Variants in ADAMDEC1 observed in about 807,000 individuals in gnomAD.
ADAMDEC1 encodes ADAM DEC1.
A neutral mutation model predicts 60.4 loss-of-function variants in ADAMDEC1; 62 were observed. The ratio of observed to expected loss-of-function variants is 1.03; its 90% confidence interval spans 0.84 to 1.27. The LOEUF (loss-of-function observed/expected upper bound fraction) is 1.27, where lower values mean the gene tolerates loss of function less well. Ranked by LOEUF, ADAMDEC1 falls within the 50% of genes most tolerant of loss-of-function variation. ADAMDEC1 has a pLI of 0.00. For missense variants in ADAMDEC1, 595 were observed against 565.0 expected, an observed-to-expected ratio of 1.05 and a Z score of -0.54; for synonymous variants, 210 against 195.1, an observed-to-expected ratio of 1.08 and a Z score of -0.64.
chr8:24,393,005 T>A lies in ADAMDEC1; in HGVS notation c.208-257T>A, dbSNP rs575038673. ...TGGCTGATCCTGAGACAGTATACTG[T>A]ACATTAGGGCAAATGAGAAGTCCCT... On this transcript the variant is annotated intron_variant, in intron 2 of 13. Coordinates refer to ENST00000256412, the MANE Select transcript of ADAMDEC1 (RefSeq NM_014479.3). Among the ~76,000 whole-genome samples, 3 of 151,432 alleles carry A rather than the reference T, an allele frequency of 2.0e-5. No individual in the cohort carries two copies. In the South Asian group the frequency reaches 6.3e-4, roughly 32 times the overall value.
At chr8:24,399,614 G>A (rs556512666) in intron 10 of ADAMDEC1, 140 bp downstream of exon 10, 216 of 754,552 alleles carry the variant, frequency 2.9e-4, no homozygotes, top group Non-Finnish European at 4.7e-4. Flanking sequence ...GTAGGTCATT[G>A]CACTGAAGAT....
chr8:24,403,951 A>C (rs1817826003), intron 12 of ADAMDEC1, 52 bp from the exon 13 acceptor site: 1 of 1,474,418 alleles, frequency 6.8e-7, no homozygotes, highest in Non-Finnish European at 9.5e-7. Flanking sequence ...CACCTAGTCT[A>C]TGGGAAGAAA....
In ADAMDEC1 at chr8:24,402,105, A is replaced by G; in HGVS notation, c.1320+13A>G. On this transcript the variant is annotated intron_variant, in intron 12 of 13. Transcript: ENST00000256412. ...TGGCTCTCCTAAGGTATTATTTATT[A>G]GAATTATTGGGGCAGAAGAATTATG... 1 of 1,575,018 alleles carries G rather than the reference A, an allele frequency of 6.3e-7. No individual in the cohort carries two copies. Among genetic ancestry groups the G allele is most frequent in the Non-Finnish European group, 8.6e-7 (1 of 1,161,908 alleles).
At chr8:24,389,256 C>T (rs1817376386) in intron 1 of ADAMDEC1, among the ~76,000 whole-genome samples, 1 of 152,142 alleles carries the variant, frequency 6.6e-6, no homozygotes, top group Non-Finnish European at 1.5e-5. Flanking sequence ...ATCTGTTCTT[C>T]CTTCACCTTT....
intron 12 of ADAMDEC1, among the ~76,000 whole-genome samples, chr8:24,403,217 A>T (rs1172232055): frequency 6.6e-6 from 1 of 152,120 alleles, no homozygotes; most frequent in Non-Finnish European, 1.5e-5. Context: ...CAGAGAGTTC[A>T]GGCTTAGGAA....
chr8:24,392,886 G>GTTTTTTTT (rs34415946), intron 2 of ADAMDEC1, among the ~76,000 whole-genome samples: 1 of 50,386 alleles, frequency 2.0e-5, no homozygotes, highest in Non-Finnish European at 4.1e-5. Flanking sequence ...GGGTTGAGAG[G>GTTTTTTTT]TTTTTTTTTT....
At position 24,399,038 on chromosome 8, in the gene ADAMDEC1, C is replaced by G. The variant is rs1455538585; in HGVS notation, c.927C>G (p.Leu309=). Reference sequence around the variant, plus strand: ...AGATCCACGACCATGCTCAGCTTCTCAGGTGAGCACATGCTGGCCAGGTGA... The same window carrying G: ...AGATCCACGACCATGCTCAGCTTCTGAGGTGAGCACATGCTGGCCAGGTGA... ...GKKIHDHAQL[L]SGISFNNRRV... The change falls in exon 9 of 14, where the codon CTC becomes CTG. Residue 309 remains leucine (L), a splice_region_variant and synonymous_variant. Transcript: ENST00000256412. 1 of 1,611,044 alleles carries G rather than the reference C, an allele frequency of 6.2e-7. No individual in the cohort carries two copies. The highest frequency in any genetic ancestry group is 8.5e-7 in the Non-Finnish European group (1 of 1,178,694).
chr8:24,394,238 AT>A, intron 4 of ADAMDEC1, 91 bp downstream of exon 4: 1 of 984,346 alleles, frequency 1.0e-6, no homozygotes, highest in Non-Finnish European at 1.5e-6. Flanking sequence ...GGGCTCAATT[AT>A]TTTATAAAAT....
At chr8:24,398,769 A>C in intron 8 of ADAMDEC1, 105 bp from the exon 9 acceptor site, 1 of 1,248,014 alleles carries the variant, frequency 8.0e-7, no homozygotes, top group South Asian at 1.4e-5. Flanking sequence ...ATGGAAATTC[A>C]TTACTTGTAG....
intron 1 of ADAMDEC1, among the ~76,000 whole-genome samples, chr8:24,388,194 C>T (rs1374057716): frequency 6.6e-6 from 1 of 152,060 alleles, no homozygotes; most frequent in Non-Finnish European, 1.5e-5. Flanking sequence ...TATTCTTCCC[C>T]GAGGCTCTGC....
At chr8:24,396,897 C>T (rs779053235) in intron 5 of ADAMDEC1, among the ~76,000 whole-genome samples, 4 of 152,220 alleles carry the variant, frequency 2.6e-5, no homozygotes, top group Non-Finnish European at 4.4e-5. Flanking sequence ...TCATGTTCCC[C>T]TCTGGGGTTC....
rs1225607548 is a variant in ADAMDEC1, at chr8:24,398,672, G to A, written c.762+121G>A. On this transcript the variant is annotated intron_variant, in intron 8 of 13. Transcript: ENST00000256412. ...CAAATGTCTTAAGTTAAATAGTTCA[G>A]GGAAATTTTAGCAGAACAAGCATCA... 6 of 965,306 alleles carry A rather than the reference G, an allele frequency of 6.2e-6. No homozygotes were observed. In the East Asian group the frequency reaches 1.5e-4, roughly 24 times the overall value. The allele number at this position is 965,306 out of a possible 1,614,324, so 59.8% of individuals were successfully genotyped here. A position where few individuals can be genotyped will look rare whatever the true frequency, so the allele number is the denominator to read the frequency against.
intron 4 of ADAMDEC1, 47 bp downstream of exon 4, chr8:24,394,194 T>A: frequency 6.8e-7 from 1 of 1,463,324 alleles, no homozygotes. Flanking sequence ...TTAGATGTTA[T>A]TAGTTTGTGC....
chr8:24,388,274 C>T (rs1042265196), intron 1 of ADAMDEC1, among the ~76,000 whole-genome samples: 1 of 151,906 alleles, frequency 6.6e-6, no homozygotes, highest in African/African-American at 2.4e-5. Context: ...TGACCAATCC[C>T]CAGCATTCCC....
Position 24,399,475 on chromosome 8 carries a change from G to T in ADAMDEC1, c.1011+1G>T. 1 of 1,612,708 alleles carries T rather than the reference G, an allele frequency of 6.2e-7. No homozygotes were observed. Among genetic ancestry groups the T allele is most frequent in the Non-Finnish European group, 8.5e-7 (1 of 1,178,876 alleles). Reference sequence around the variant, plus strand: ...CCCATCTTCGGTTGCTGTTATTGAGGTTTGTAAATTTGTAGTAAGGCTCTC... The same window carrying T: ...CCCATCTTCGGTTGCTGTTATTGAGTTTTGTAAATTTGTAGTAAGGCTCTC... On this transcript the variant is annotated splice_donor_variant, in intron 10 of 13. Coordinates refer to ENST00000256412, the MANE Select transcript of ADAMDEC1 (RefSeq NM_014479.3). LOFTEE classifies it high-confidence loss of function.
At chr8:24,385,931 A>G (rs564748773) in intron 1 of ADAMDEC1, among the ~76,000 whole-genome samples, 2 of 60,324 alleles carry the variant, frequency 3.3e-5, no homozygotes, top group Non-Finnish European at 6.7e-5. Flanking sequence ...AATGAAATAG[A>G]ACTTGATTGA....
chr8:24,385,397 G>A (rs1389826957), intron 1 of ADAMDEC1, among the ~76,000 whole-genome samples: 1 of 151,956 alleles, frequency 6.6e-6, no homozygotes, highest in Admixed American at 6.6e-5. Flanking sequence ...TCCTCATTGT[G>A]CATCACCAAT....
chr8:24,386,047 G>A (rs188679820), intron 1 of ADAMDEC1, among the ~76,000 whole-genome samples: 6 of 151,836 alleles, frequency 4.0e-5, no homozygotes, highest in African/African-American at 9.7e-5. Flanking sequence ...TATTAATATT[G>A]TTCTCACAAT....
Position 24,399,390 on chromosome 8 carries a change from CAGCGGGATT to C in ADAMDEC1, c.931_939del (p.Gly311_Ser313del). 6.2e-7 allele frequency: 1 copy of C among 1,613,314 alleles called. No homozygotes were observed. Among genetic ancestry groups the C allele is most frequent in the Non-Finnish European group, 8.5e-7 (1 of 1,179,364 alleles). ...ACAGTAGTATCTGTAACTTTTCATA[CAGCGGGATT>C]AGCTTCAACAATCGACGTGTGGGAC... On this transcript the variant is annotated splice_acceptor_variant and coding_sequence_variant, in exon 10 of 14. Transcript: ENST00000256412. LOFTEE classifies it high-confidence loss of function.
Sources: allele counts gnomAD v4.1 joint callset (sites outside exome capture counted in the v4.1 genomes callset), GRCh38; gene constraint gnomAD v4.1.1; transcripts MANE v1.5; gene names NCBI Gene and HGNC (gene_info 2026-07-23, HGNC 2026-07-21).